The following FRS2 variants were observed in gnomAD, a reference collection of about 807,000 sequenced individuals.
FRS2 encodes FGFR signalling adaptor.
In FRS2, 8 loss-of-function variants were observed where a neutral mutation model predicts 43.9. That is an observed-to-expected ratio of 0.18 (90% CI 0.11 to 0.33). The LOEUF is 0.33. Among genes scored for constraint, FRS2 ranks in the 10% least tolerant of loss-of-function variants. The probability of loss-of-function intolerance (pLI) is 1.00; values close to 1 mark genes in which losing one functional copy is unlikely to be tolerated. For missense variants in FRS2, 534 were observed against 627.6 expected, an observed-to-expected ratio of 0.85 and a Z score of 1.59; for synonymous variants, 219 against 220.3, an observed-to-expected ratio of 0.99 and a Z score of 0.05.
intron 3 of FRS2, among the ~76,000 whole-genome samples, chr12:69,557,619 T>TGTGTGTGTGTTTGCGC (rs1555192498): frequency 8.4e-6 from 1 of 118,966 alleles, no homozygotes; most frequent in Admixed American, 8.4e-5. Context: ...TGTGTGTGTG[T>TGTGTGTGTGTTTGCGC]GCGCGCGCGC....
At chr12:69,507,659 G>T (rs1318365441) in intron 1 of FRS2, among the ~76,000 whole-genome samples, 1 of 152,134 alleles carries the variant, frequency 6.6e-6, no homozygotes, top group Admixed American at 6.5e-5. Flanking sequence ...TGAGGTTCTT[G>T]GTTTTGACTG....
intron 3 of FRS2, among the ~76,000 whole-genome samples, chr12:69,553,603 A>C (rs548828501): frequency 3.4e-4 from 52 of 152,306 alleles, no homozygotes; most frequent in African/African-American, 1.3e-3. Flanking sequence ...GGAAAAAAAA[A>C]AACAACTTTT....
intron 1 of FRS2, among the ~76,000 whole-genome samples, chr12:69,485,404 G>T (rs973259183): frequency 2.6e-5 from 4 of 152,000 alleles, no homozygotes; most frequent in Non-Finnish European, 4.4e-5. Context: ...GGATGGTCTC[G>T]ATCTCCTGAC....
intron 4 of FRS2, among the ~76,000 whole-genome samples, chr12:69,567,704 T>G (rs900097084): frequency 1.3e-5 from 2 of 152,196 alleles, no homozygotes; most frequent in Non-Finnish European, 1.5e-5. Flanking sequence ...CTAGAGGAAC[T>G]GCACTTTGAG....
chr12:69,475,151 G>A (rs1215568035), intron 1 of FRS2, among the ~76,000 whole-genome samples: 4 of 152,180 alleles, frequency 2.6e-5, no homozygotes, highest in Admixed American at 2.0e-4. Flanking sequence ...GAGTATTAAT[G>A]TGTAAAAGAT....
chr12:69,472,069 T>C (rs921574909), intron 1 of FRS2, among the ~76,000 whole-genome samples: 1 of 152,144 alleles, frequency 6.6e-6, no homozygotes, highest in Non-Finnish European at 1.5e-5. Context: ...ACAACTTTTC[T>C]TTTTCCTCTT....
intron 3 of FRS2, among the ~76,000 whole-genome samples, chr12:69,557,041 TAAC>T (rs1290576416): frequency 5.3e-5 from 8 of 152,210 alleles, no homozygotes; most frequent in African/African-American, 2.4e-5. Context: ...ATTTGGGAAA[TAAC>T]AATTCCTTTG....
intron 1 of FRS2, among the ~76,000 whole-genome samples, chr12:69,501,011 A>G (rs1463766689): frequency 6.6e-6 from 1 of 152,150 alleles, no homozygotes; most frequent in Non-Finnish European, 1.5e-5. Flanking sequence ...ATTATGCATA[A>G]TAGTACTTTG....
At chr12:69,476,586 T>C (rs944136217) in intron 1 of FRS2, among the ~76,000 whole-genome samples, 1 of 152,134 alleles carries the variant, frequency 6.6e-6, no homozygotes, top group Non-Finnish European at 1.5e-5. Context: ...GAAAGAATAG[T>C]GCAGCACTGT....
At chr12:69,472,252 A>ATTTTTTTT (rs1565707289) in intron 1 of FRS2, among the ~76,000 whole-genome samples, 1 of 140,612 alleles carries the variant, frequency 7.1e-6, no homozygotes. Context: ...ACACCTGGCT[A>ATTTTTTTT]ATTTTTTTTT....
chr12:69,522,111 C>T (rs1287016843), intron 1 of FRS2, among the ~76,000 whole-genome samples: 1 of 151,446 alleles, frequency 6.6e-6, no homozygotes, highest in Non-Finnish European at 1.5e-5. Context: ...TTTTGGTGTG[C>T]TGCTGGATTT....
intron 1 of FRS2, among the ~76,000 whole-genome samples, chr12:69,476,398 A>C (rs1870775699): frequency 1.3e-5 from 2 of 152,264 alleles, no homozygotes; most frequent in Admixed American, 6.5e-5. Context: ...GTGCTGCTTT[A>C]AGTTATTACT....
chr12:69,574,033 TGCAAGAAGA>T lies in FRS2; in HGVS notation c.608_616del (p.Gln203_Glu205del). The T allele has an allele frequency of 6.2e-7, 1 of 1,613,656 alleles. No individual in the cohort carries two copies. Among genetic ancestry groups the T allele is most frequent in the South Asian group, 1.1e-5 (1 of 91,022 alleles). ...CATACCTATGTCAACACTACAGGTG[TGCAAGAAGA>T]GCGGAAAAACCGCACAAGTGTGCAT... is the stretch of plus-strand genomic sequence containing the variant. On this transcript the variant is annotated inframe_deletion, in exon 9 of 9. Coordinates refer to ENST00000549921, the MANE Select transcript of FRS2 (RefSeq NM_001278356.2).
chr12:69,494,453 T>TTGCTGCAGCTCATTTAGCTAA (rs1381674635), intron 1 of FRS2, among the ~76,000 whole-genome samples: 2 of 152,194 alleles, frequency 1.3e-5, no homozygotes, highest in African/African-American at 4.8e-5. Flanking sequence ...GTTATATAAT[T>TTGCTGCAGCTCATTTAGCTAA]TGCTGCAGCT....
At chr12:69,493,395 A>G (rs1433692813) in intron 1 of FRS2, among the ~76,000 whole-genome samples, 1 of 152,130 alleles carries the variant, frequency 6.6e-6, no homozygotes, top group Non-Finnish European at 1.5e-5. Context: ...TGCCCTTTGA[A>G]CCTGTTAAAA....
At chr12:69,473,212 G>A (rs559467067) in intron 1 of FRS2, among the ~76,000 whole-genome samples, 4 of 152,318 alleles carry the variant, frequency 2.6e-5, no homozygotes, top group Admixed American at 2.0e-4. Context: ...AGGACAGTGA[G>A]GCTCAAATAT....
At chr12:69,557,624 G>GTGCGCA (rs1565773180) in intron 3 of FRS2, among the ~76,000 whole-genome samples, 2 of 140,802 alleles carry the variant, frequency 1.4e-5, no homozygotes, top group African/African-American at 5.5e-5. Context: ...GTGTGTGCGC[G>GTGCGCA]CGCGCGCGCG....
chr12:69,572,191 T>C lies in FRS2; in HGVS notation c.486T>C (p.His162=), dbSNP rs1336883071. The part of the protein sequence containing the change: ...RYPSFGDASS[H]PSSRHPSVGS... ...CCTCATTTGGAGATGCTTCATCCCATCCGTCAAGCAGACATCCTTCTGTGG... is the reference window on the plus strand; with the variant it reads ...CCTCATTTGGAGATGCTTCATCCCACCCGTCAAGCAGACATCCTTCTGTGG... The change falls in exon 8 of 9, where the codon CAT becomes CAC. Residue 162 remains histidine, a synonymous_variant. Coordinates refer to ENST00000549921, the MANE Select transcript of FRS2 (RefSeq NM_001278356.2). 1 of 1,613,082 alleles carries C rather than the reference T, an allele frequency of 6.2e-7. No individual in the cohort carries two copies. Among genetic ancestry groups the C allele is most frequent in the Admixed American group, 1.7e-5 (1 of 60,006 alleles).
intron 1 of FRS2, among the ~76,000 whole-genome samples, chr12:69,495,915 C>T (rs1872842055): frequency 6.6e-6 from 1 of 151,310 alleles, no homozygotes; most frequent in Non-Finnish European, 1.5e-5. Context: ...TGGATGACAG[C>T]GAGACTCTCT....
Sources: gnomAD v4.1 joint callset for allele counts (sites outside exome capture counted in the v4.1 genomes callset) on GRCh38, gnomAD v4.1.1 for gene constraint, MANE v1.5 for transcripts, NCBI Gene and HGNC (gene_info 2026-07-23, HGNC 2026-07-21) for gene names.